CAMTA1: variants seen among roughly 807,000 people sequenced by gnomAD.
CAMTA1 encodes calmodulin-binding transcription activator 1.
Under a neutral mutation model 170.9 loss-of-function variants are expected in CAMTA1, and 27 were observed. That is an observed-to-expected ratio of 0.16 (90% confidence interval 0.12 to 0.22). The LOEUF is 0.22. CAMTA1 is among the 10% of genes least tolerant of loss of function. The pLI, the probability that CAMTA1 is intolerant of heterozygous loss-of-function variation, is 1.00. For synonymous variants in CAMTA1, 833 were observed against 891.5 expected (o/e 0.93, Z 1.17); for missense variants, 1,619 against 2,217.2 (o/e 0.73, Z 5.42).
chr1:7,040,339 C>A (rs1465381467), intron 3 of CAMTA1, among the ~76,000 whole-genome samples: 1 of 152,076 alleles, frequency 6.6e-6, no homozygotes, highest in East Asian at 1.9e-4. Flanking sequence ...ACACGGCATG[C>A]GTGTGATCCG....
intron 4 of CAMTA1, among the ~76,000 whole-genome samples, chr1:7,162,478 C>T (rs1171166905): frequency 1.3e-5 from 2 of 152,126 alleles, no homozygotes; most frequent in Non-Finnish European, 2.9e-5. Flanking sequence ...GCCCCTCCAG[C>T]CCAGGGCAAC....
At chr1:7,345,977 C>A (rs2084190156) in intron 5 of CAMTA1, among the ~76,000 whole-genome samples, 1 of 152,204 alleles carries the variant, frequency 6.6e-6, no homozygotes, top group Non-Finnish European at 1.5e-5. Context: ...AGGAGCCTTT[C>A]TTTGGTATTA....
At chr1:7,253,023 G>C (rs1320068486) in intron 5 of CAMTA1, among the ~76,000 whole-genome samples, 1 of 152,154 alleles carries the variant, frequency 6.6e-6, no homozygotes, top group East Asian at 1.9e-4. Flanking sequence ...ATGATTAGTT[G>C]TCTTGTCTGC....
At chr1:7,425,442 A>G (rs968596991) in intron 5 of CAMTA1, among the ~76,000 whole-genome samples, 3 of 152,022 alleles carry the variant, frequency 2.0e-5, no homozygotes, top group African/African-American at 7.2e-5. Flanking sequence ...GTGAATGGCG[A>G]TGGGGGCAGG....
intron 5 of CAMTA1, among the ~76,000 whole-genome samples, chr1:7,260,952 G>A (rs1390250388): frequency 6.6e-6 from 1 of 152,182 alleles, no homozygotes; most frequent in Non-Finnish European, 1.5e-5. Context: ...GATTCTAGGT[G>A]GCATGTGATA....
chr1:7,686,237 T>G (rs1272795596), intron 11 of CAMTA1, among the ~76,000 whole-genome samples: 1 of 152,166 alleles, frequency 6.6e-6, no homozygotes, highest in East Asian at 1.9e-4. Flanking sequence ...CAAAGGAAAC[T>G]GTCAGATGTT....
intron 5 of CAMTA1, among the ~76,000 whole-genome samples, chr1:7,406,629 GACACACACGA>G (rs1002877558): frequency 2.0e-5 from 3 of 151,840 alleles, no homozygotes; most frequent in African/African-American, 7.3e-5. Flanking sequence ...CATGCATGCA[GACACACACGA>G]GCACACACAC....
At chr1:7,194,225 A>G (rs1655096254) in intron 4 of CAMTA1, among the ~76,000 whole-genome samples, 2 of 152,202 alleles carry the variant, frequency 1.3e-5, no homozygotes, top group African/African-American at 4.8e-5. Context: ...TCTGGTCAAA[A>G]TATAGCTACT....
intron 4 of CAMTA1, among the ~76,000 whole-genome samples, chr1:7,180,478 A>T (rs1299825351): frequency 6.6e-6 from 1 of 150,992 alleles, no homozygotes; most frequent in Non-Finnish European, 1.5e-5. Context: ...ATCTAGAAAA[A>T]ATCCTGAAGG....
At chr1:6,867,254 T>G (rs1666891512) in intron 3 of CAMTA1, among the ~76,000 whole-genome samples, 1 of 152,148 alleles carries the variant, frequency 6.6e-6, no homozygotes, top group South Asian at 2.1e-4. Context: ...CTTTGATGTT[T>G]TTAGGGAAAA....
chr1:6,905,898 T>C (rs1231499108), intron 3 of CAMTA1, among the ~76,000 whole-genome samples: 1 of 152,184 alleles, frequency 6.6e-6, no homozygotes, highest in Non-Finnish European at 1.5e-5. Flanking sequence ...TGGGAAGTGC[T>C]GCTTCATCCT....
intron 3 of CAMTA1, among the ~76,000 whole-genome samples, chr1:6,925,918 C>T (rs1052087836): frequency 2.0e-5 from 3 of 152,188 alleles, no homozygotes; most frequent in Non-Finnish European, 4.4e-5. Flanking sequence ...CTCCCCCTCC[C>T]GGCTCCAGCT....
At chr1:7,225,331 G>A (rs1278693092) in intron 4 of CAMTA1, among the ~76,000 whole-genome samples, 1 of 152,114 alleles carries the variant, frequency 6.6e-6, no homozygotes, top group East Asian at 1.9e-4. Context: ...TGATCCGCCT[G>A]CCTCGGCCTC....
At chr1:7,572,978 G>T (rs75786662) in intron 6 of CAMTA1, among the ~76,000 whole-genome samples, 1 of 152,150 alleles carries the variant, frequency 6.6e-6, no homozygotes, top group Admixed American at 6.5e-5. Context: ...ACAGGCAGCC[G>T]GCGCCTGAAC....
intron 11 of CAMTA1, among the ~76,000 whole-genome samples, chr1:7,715,432 CTTT>C (rs34965685): frequency 2.8e-5 from 4 of 142,272 alleles, no homozygotes. Context: ...TAGCCACACA[CTTT>C]TTTTTTTTTT....
At chr1:6,973,731 C>T (rs1418551091) in intron 3 of CAMTA1, among the ~76,000 whole-genome samples, 4 of 152,164 alleles carry the variant, frequency 2.6e-5, no homozygotes, top group African/African-American at 7.2e-5. Context: ...CTGGGTGACA[C>T]CGACCTTGTA....
At position 7,641,347 on chromosome 1, in the gene CAMTA1, C is replaced by T. The variant is rs1483465727; in HGVS notation, c.664+794C>T. Among the ~76,000 whole-genome samples the T allele has an allele frequency of 6.6e-6, 1 of 152,206 alleles. No homozygotes were observed. Among genetic ancestry groups the T allele is most frequent in the Non-Finnish European group, 1.5e-5 (1 of 68,036 alleles). On this transcript the variant is annotated intron_variant, in intron 7 of 22. Transcript: ENST00000303635. The surrounding 1 kb of genome is among the most constrained non-coding windows in gnomAD (Gnocchi z 4.5). ...TGATGGCCAGGGCTCAGGGCAAGGA[C>T]CTGCCATCAGCAGGGCCTGAGGGGG...
chr1:6,976,977 A>C (rs562579764), intron 3 of CAMTA1, among the ~76,000 whole-genome samples: 1 of 152,172 alleles, frequency 6.6e-6, no homozygotes, highest in Non-Finnish European at 1.5e-5. Flanking sequence ...CATGTAAGAC[A>C]TGCCTTCTCT....
intron 16 of CAMTA1, among the ~76,000 whole-genome samples, chr1:7,744,294 G>A (rs1476315518): frequency 6.6e-6 from 1 of 151,830 alleles, no homozygotes. Context: ...ACCATACCTG[G>A]CTAATTTTTG....
Sources: gnomAD v4.1 joint callset for allele counts (sites outside exome capture counted in the v4.1 genomes callset) on GRCh38, gnomAD v4.1.1 for gene constraint, Gnocchi (gnomAD v3.1) non-coding constraint, MANE v1.5 for transcripts, NCBI Gene and HGNC (gene_info 2026-07-23, HGNC 2026-07-21) for gene names.